The following SNX27 variants were observed in gnomAD, a reference collection of about 807,000 sequenced individuals.
SNX27 encodes sorting nexin-27.
A neutral mutation model predicts 71.6 loss-of-function variants in SNX27; 22 were observed. The ratio of observed to expected loss-of-function variants is 0.31; its 90% CI spans 0.22 to 0.44. The LOEUF (loss-of-function observed/expected upper bound fraction) is 0.44. Among genes scored for constraint, SNX27 ranks in the 20% least tolerant of loss-of-function variants. The pLI is 1.00. For missense variants in SNX27, 531 were observed against 698.6 expected (o/e 0.76, Z 2.70); for synonymous variants, 269 against 277.2 (o/e 0.97, Z 0.29).
Position 151,694,563 on chromosome 1 carries a change from A to AC in SNX27, c.*151dup. On this transcript the variant is annotated 3_prime_UTR_variant, in exon 12 of 12. Coordinates refer to ENST00000458013, the MANE Select transcript of SNX27 (RefSeq NM_001330723.2). ...AGCCCTAAACTAAATATTATTAATA[A>AC]CCCCCTCTGAATTTCATGTCTCTGG... 1 of 734,764 alleles carries AC rather than the reference A, an allele frequency of 1.4e-6. No homozygotes were observed. 45.5% of individuals were successfully genotyped at this position (734,764 alleles called of 1,614,324 possible).
chr1:151,670,381 T>C (rs1473048993), intron 7 of SNX27, among the ~76,000 whole-genome samples: 2 of 152,216 alleles, frequency 1.3e-5, no homozygotes, highest in African/African-American at 4.8e-5. Context: ...CTCTTCAAAA[T>C]ACTGATTTTC....
chr1:151,628,419 T>G (rs1668051444), intron 1 of SNX27, among the ~76,000 whole-genome samples: 1 of 152,220 alleles, frequency 6.6e-6, no homozygotes, highest in African/African-American at 2.4e-5. Context: ...ACTTACAGTT[T>G]TTTGGCAATT....
chr1:151,616,058 G>GT (rs1362525783), intron 1 of SNX27, among the ~76,000 whole-genome samples: 8 of 152,178 alleles, frequency 5.3e-5, no homozygotes, highest in Admixed American at 5.2e-4. Flanking sequence ...CAGATGGAAA[G>GT]TTTTTTTGAC....
chr1:151,629,882 G>C (rs1166778549), intron 1 of SNX27, among the ~76,000 whole-genome samples: 2 of 151,656 alleles, frequency 1.3e-5, no homozygotes, highest in East Asian at 3.9e-4. Flanking sequence ...CCCGGCCACT[G>C]TTCCATATAT....
intron 2 of SNX27, among the ~76,000 whole-genome samples, chr1:151,651,537 G>A (rs1044255469): frequency 2.7e-5 from 4 of 149,978 alleles, no homozygotes; most frequent in African/African-American, 9.7e-5. Context: ...GGGCGGCCGG[G>A]CAGAGATGCT....
intron 6 of SNX27, among the ~76,000 whole-genome samples, chr1:151,667,705 T>C (rs1301584809): frequency 6.6e-6 from 1 of 150,584 alleles, no homozygotes; most frequent in Admixed American, 6.6e-5. Flanking sequence ...CGGGCGCCTG[T>C]AGTCCCAGCT....
chr1:151,668,781 C>T (rs968374572), intron 7 of SNX27, 146 bp downstream of exon 7: 42 of 571,114 alleles, frequency 7.4e-5, no homozygotes, highest in Middle Eastern at 4.8e-4. Flanking sequence ...TCCCATTTCA[C>T]GAAAGATAAA....
chr1:151,652,333 A>T (rs1571821453), intron 2 of SNX27, among the ~76,000 whole-genome samples: 1 of 146,026 alleles, frequency 6.8e-6, no homozygotes, highest in African/African-American at 2.5e-5. Flanking sequence ...AAGTTTGCTG[A>T]TTTTTTCCTC....
intron 1 of SNX27, among the ~76,000 whole-genome samples, chr1:151,622,262 G>GT (rs1183829134): frequency 6.6e-6 from 1 of 151,980 alleles, no homozygotes; most frequent in Non-Finnish European, 1.5e-5. Context: ...TATTTCAGCT[G>GT]TTTTTTTCAG....
At chr1:151,622,211 CTT>C (rs1667706275) in intron 1 of SNX27, among the ~76,000 whole-genome samples, 1 of 152,100 alleles carries the variant, frequency 6.6e-6, no homozygotes, top group Non-Finnish European at 1.5e-5. Flanking sequence ...AAAAGTATAT[CTT>C]GTTACTAATT....
chr1:151,633,972 GTT>G (rs770267309), intron 1 of SNX27, among the ~76,000 whole-genome samples: 6 of 143,938 alleles, frequency 4.2e-5, no homozygotes, highest in African/African-American at 1.5e-4. Context: ...GTGTATGTGT[GTT>G]TTTTTTTTTT....
intron 6 of SNX27, 112 bp from the exon 7 acceptor site, chr1:151,668,360 G>C (rs1023003405): frequency 2.1e-6 from 2 of 968,068 alleles, no homozygotes; most frequent in Non-Finnish European, 3.0e-6. Flanking sequence ...GATTTGAGAT[G>C]ATGTTCTGGT....
Position 151,683,385 on chromosome 1 carries a change from C to T in SNX27, c.1179C>T (p.Ile393=), listed in dbSNP as rs1220663101. ...TCGATGATGTGAAGAAAGGTTACAT[C>T]AAAGCAGAAGAAAAGTCCTATCAAT... is the stretch of plus-strand genomic sequence containing the variant. The part of the protein sequence containing the change: ...QAVDDVKKGY[I]KAEEKSYQLQ... Residue 393 remains isoleucine (I), a synonymous_variant, in exon 8 of 12, where the codon ATC becomes ATT. Transcript: ENST00000458013. 2 of 1,613,544 alleles carry T rather than the reference C, an allele frequency of 1.2e-6. No individual in the cohort carries two copies. Among genetic ancestry groups the T allele is most frequent in the Non-Finnish European group, 8.5e-7 (1 of 1,179,870 alleles).
intron 8 of SNX27, among the ~76,000 whole-genome samples, chr1:151,691,466 G>GTTTTTTT (rs553869904): frequency 7.5e-5 from 10 of 132,622 alleles, no homozygotes; most frequent in African/African-American, 2.8e-4. Flanking sequence ...TGTTTTTCTG[G>GTTTTTTT]TTTTTTTTTT....
intron 1 of SNX27, 38 bp from the exon 2 acceptor site, chr1:151,638,850 T>C: frequency 1.2e-6 from 2 of 1,603,026 alleles, no homozygotes; most frequent in Non-Finnish European, 8.5e-7. Flanking sequence ...TGGACCCTTC[T>C]GGTTTATGGG....
chr1:151,684,037 A>G (rs1671082579), intron 8 of SNX27, among the ~76,000 whole-genome samples: 2 of 152,210 alleles, frequency 1.3e-5, no homozygotes, highest in Admixed American at 6.5e-5. Context: ...GTAAAACATT[A>G]CAATAGGATA....
Position 151,697,918 on chromosome 1 carries a change from T to G in SNX27, c.*3501T>G, listed in dbSNP as rs191113595. On this transcript the variant is annotated 3_prime_UTR_variant, in exon 12 of 12. Coordinates refer to ENST00000458013, the MANE Select transcript of SNX27 (RefSeq NM_001330723.2). ...CCTCAGGGGTAGAAGCTCAGAGCTT[T>G]TTATGGCCCAGGAGAAAATGTAGAC... 6.6e-6 allele frequency: 1 copy of G among 152,448 alleles called. No homozygotes were observed. The highest frequency in any genetic ancestry group is 2.4e-5 in the African/African-American group (1 of 41,564). The allele number at this position is 152,448 out of a possible 1,614,324, so 9.4% of individuals were successfully genotyped here.
At chr1:151,671,684 G>A (rs1264149433) in intron 7 of SNX27, among the ~76,000 whole-genome samples, 1 of 151,980 alleles carries the variant, frequency 6.6e-6, no homozygotes, top group Non-Finnish European at 1.5e-5. Flanking sequence ...GATTGCTTTG[G>A]GTAGTGTGGA....
At chr1:151,675,313 G>T (rs963786280) in intron 7 of SNX27, among the ~76,000 whole-genome samples, 2 of 151,980 alleles carry the variant, frequency 1.3e-5, no homozygotes, top group Non-Finnish European at 2.9e-5. Context: ...TTTTTAATCT[G>T]CCATCCCTAA....
Sources: allele counts gnomAD v4.1 joint callset (sites outside exome capture counted in the v4.1 genomes callset), GRCh38; gene constraint gnomAD v4.1.1; transcripts MANE v1.5; gene names NCBI Gene and HGNC (gene_info 2026-07-23, HGNC 2026-07-21).